Variants in LRFN5 observed in about 807,000 individuals in gnomAD.
LRFN5 encodes the protein leucine rich repeat and fibronectin type III domain containing 5.
A neutral mutation model predicts 45.6 loss-of-function variants in LRFN5; 24 were observed. The ratio of observed to expected loss-of-function variants is 0.53; its 90% CI spans 0.38 to 0.74. The LOEUF (loss-of-function observed/expected upper bound fraction) is 0.74. Ranked by LOEUF, LRFN5 falls within the 30% of genes least tolerant of loss-of-function variation. The pLI is 0.00. For missense variants in LRFN5, 776 were observed against 861.5 expected, an observed-to-expected ratio of 0.90 and a Z score of 1.24; for synonymous variants, 340 against 313.8, an observed-to-expected ratio of 1.08 and a Z score of -0.88.
At chr14:41,622,204 C>T (rs2138560583) in intron 1 of LRFN5, among the ~76,000 whole-genome samples, 1 of 151,532 alleles carries the variant, frequency 6.6e-6, no homozygotes, top group South Asian at 2.1e-4. Context: ...AATTCAAAAG[C>T]CAATATACCT....
chr14:41,849,827 AC>A (rs1889203152), intron 2 of LRFN5, among the ~76,000 whole-genome samples: 1 of 152,116 alleles, frequency 6.6e-6, no homozygotes, highest in African/African-American at 2.4e-5. Flanking sequence ...GTCATTATTT[AC>A]CATTAATAAG....
intron 2 of LRFN5, among the ~76,000 whole-genome samples, chr14:41,834,912 C>T (rs1309245457): frequency 1.3e-5 from 2 of 151,898 alleles, no homozygotes; most frequent in Non-Finnish European, 2.9e-5. Context: ...ATCCACCTAC[C>T]TTAGCCTCCC....
At chr14:41,793,385 G>A (rs1288365264) in intron 2 of LRFN5, among the ~76,000 whole-genome samples, 4 of 152,058 alleles carry the variant, frequency 2.6e-5, no homozygotes, top group Admixed American at 2.0e-4. Flanking sequence ...AATAATGCAT[G>A]TGTATTGTGT....
intron 1 of LRFN5, among the ~76,000 whole-genome samples, chr14:41,680,317 G>T (rs944735933): frequency 2.6e-5 from 4 of 152,180 alleles, no homozygotes; most frequent in African/African-American, 9.7e-5. Context: ...CCCAGACCCA[G>T]TGTTGTTATG....
chr14:41,645,773 G>T (rs1879787995), intron 1 of LRFN5, among the ~76,000 whole-genome samples: 1 of 152,108 alleles, frequency 6.6e-6, no homozygotes, highest in African/African-American at 2.4e-5. Flanking sequence ...ATTTCTTGTA[G>T]ATTGGAAGGG....
At position 41,887,743 on chromosome 14, in the gene LRFN5, A is replaced by G; in HGVS notation, c.1118A>G (p.His373Arg). Residue 373 changes from histidine (H) to arginine (R), a missense_variant, in exon 3 of 6, where the codon CAT becomes CGT. Transcript: ENST00000298119. This position sits in a 1 kb window ranked among gnomAD's most constrained non-coding sequence, Gnocchi z 4.8. ...AGEATQIVDL[H>R]IIKLPHLLNS... The stretch of plus-strand genomic sequence containing the variant: ...GAAGCAACACAAATAGTGGATCTTC[A>G]TATAATTAAGCTCCCTCACTTACTA... The G allele has an allele frequency of 6.2e-7, 1 of 1,614,022 alleles. No individual in the cohort carries two copies. Among genetic ancestry groups the G allele is most frequent in the Non-Finnish European group, 8.5e-7 (1 of 1,180,040 alleles).
intron 1 of LRFN5, among the ~76,000 whole-genome samples, chr14:41,642,694 A>G (rs1034754450): frequency 3.3e-5 from 5 of 152,190 alleles, no homozygotes; most frequent in South Asian, 2.1e-4. Flanking sequence ...GACTGCCAGC[A>G]TGGATTGACA....
chr14:41,827,307 C>T (rs1888331135), intron 2 of LRFN5, among the ~76,000 whole-genome samples: 1 of 151,970 alleles, frequency 6.6e-6, no homozygotes, highest in African/African-American at 2.4e-5. Context: ...TTGCATTTCT[C>T]AGCTGCTTAA....
chr14:41,765,201 G>A (rs1885829919), intron 1 of LRFN5, among the ~76,000 whole-genome samples: 1 of 152,038 alleles, frequency 6.6e-6, no homozygotes, highest in African/African-American at 2.4e-5. Flanking sequence ...AATTAGCCGG[G>A]CGTAGTGGCG....
intron 1 of LRFN5, among the ~76,000 whole-genome samples, chr14:41,717,256 T>G (rs1436723552): frequency 6.6e-6 from 1 of 152,196 alleles, no homozygotes; most frequent in Non-Finnish European, 1.5e-5. Flanking sequence ...TTAATTGTCT[T>G]AGGCAAAACA....
chr14:41,722,687 T>A (rs970619242), intron 1 of LRFN5, among the ~76,000 whole-genome samples: 10 of 152,180 alleles, frequency 6.6e-5, no homozygotes, highest in Non-Finnish European at 1.5e-4. Context: ...CAGCAGATTT[T>A]ATATTGGGCT....
chr14:41,753,975 G>T (rs562044179), intron 1 of LRFN5, among the ~76,000 whole-genome samples: 1 of 152,106 alleles, frequency 6.6e-6, no homozygotes, highest in Non-Finnish European at 1.5e-5. Context: ...TAGCATGAAG[G>T]GCTGTTGAAT....
intron 1 of LRFN5, among the ~76,000 whole-genome samples, chr14:41,642,988 A>G (rs1879649621): frequency 6.6e-6 from 1 of 152,188 alleles, no homozygotes; most frequent in Non-Finnish European, 1.5e-5. Context: ...TCTTAGCGCA[A>G]GTAATAAAAA....
At chr14:41,886,019 CAAAAAAAAA>C (rs35648547) in intron 2 of LRFN5, among the ~76,000 whole-genome samples, 2 of 88,790 alleles carry the variant, frequency 2.3e-5, no homozygotes, top group African/African-American at 4.7e-5. Context: ...AGGCTCGTCT[CAAAAAAAAA>C]AAAAAAAAAA....
In LRFN5 at chr14:41,608,222, T is replaced by TGC. The variant is rs1332870229; in HGVS notation, c.-528_-527dup. On this transcript the variant is annotated 5_prime_UTR_variant, in exon 1 of 6. Transcript: ENST00000298119. Reference sequence around the variant, plus strand: ...GTGCGTGTGCGAGTGTGAGTGCAAGTGCGCGCGCGCCCGGGTGCGAGTGTG... The same window carrying TGC: ...GTGCGTGTGCGAGTGTGAGTGCAAGTGCGCGCGCGCGCCCGGGTGCGAGTGTG... 1 of 153,418 alleles carries TGC rather than the reference T, an allele frequency of 6.5e-6. No homozygotes were observed. The highest frequency in any genetic ancestry group is 1.5e-5 in the Non-Finnish European group (1 of 68,824). The allele number at this position is 153,418 out of a possible 1,614,324, so 9.5% of individuals were successfully genotyped here.
intron 2 of LRFN5, among the ~76,000 whole-genome samples, chr14:41,790,793 T>C (rs1184492472): frequency 2.7e-5 from 4 of 147,114 alleles, no homozygotes; most frequent in Non-Finnish European, 6.0e-5. Context: ...GATTGAAATA[T>C]GTTAAGACAA....
At chr14:41,692,348 A>C (rs1594620713) in intron 1 of LRFN5, among the ~76,000 whole-genome samples, 1 of 152,128 alleles carries the variant, frequency 6.6e-6, no homozygotes, top group East Asian at 1.9e-4. Flanking sequence ...GATTCTGGAT[A>C]TGTACTCCTC....
intron 4 of LRFN5, among the ~76,000 whole-genome samples, chr14:41,895,357 GC>G (rs1402931508): frequency 6.6e-6 from 1 of 152,120 alleles, no homozygotes; most frequent in East Asian, 1.9e-4. Flanking sequence ...GGGCACGGGG[GC>G]TCACACTGTA....
chr14:41,889,098 C>CTA (rs200882779), intron 3 of LRFN5, among the ~76,000 whole-genome samples: 9 of 97,432 alleles, frequency 9.2e-5, no homozygotes, highest in African/African-American at 1.6e-4. Context: ...ATATATATGT[C>CTA]TATATATATA....
Sources: allele counts gnomAD v4.1 joint callset (sites outside exome capture counted in the v4.1 genomes callset), GRCh38; gene constraint gnomAD v4.1.1; non-coding constraint Gnocchi (gnomAD v3.1); transcripts MANE v1.5; gene names NCBI Gene and HGNC (gene_info 2026-07-23, HGNC 2026-07-21).